The following TRIM24 variants were observed in gnomAD, a reference collection of about 807,000 sequenced individuals.
TRIM24 encodes transcription intermediary factor 1-alpha.
TRIM24 carries 29 observed loss-of-function variants against 123.9 expected under a neutral mutation model. The observed-to-expected ratio is 0.23, with a 90% CI of 0.17 to 0.32. TRIM24 has a LOEUF of 0.32. Ranked by LOEUF, TRIM24 falls within the 10% of genes least tolerant of loss-of-function variation. The probability of loss-of-function intolerance (pLI) is 1.00; values close to 1 mark genes in which losing one functional copy is unlikely to be tolerated. For synonymous variants in TRIM24, 456 were observed against 461.1 expected (o/e 0.99, Z 0.14); for missense variants, 932 against 1,295.3 (o/e 0.72, Z 4.31).
chr7:138,496,186 A>T (rs759162744), intron 1 of TRIM24, among the ~76,000 whole-genome samples: 5 of 152,186 alleles, frequency 3.3e-5, no homozygotes, highest in Non-Finnish European at 7.3e-5. Context: ...ATCAGTTTGG[A>T]GACATGGAAT....
intron 7 of TRIM24, among the ~76,000 whole-genome samples, chr7:138,545,245 G>A (rs6959574): frequency 0.8 from 122,058 of 151,976 alleles, 49,298 homozygotes; most frequent in African/African-American, 0.83. Context: ...TCTTCCTGGC[G>A]TGGAGGCACC....
rs536414896 is a variant in TRIM24, at chr7:138,551,622, A to T, written c.1261+442A>T. Among the ~76,000 whole-genome samples the T allele has an allele frequency of 3.3e-4, 51 of 152,282 alleles. No homozygotes were observed. The South Asian group carries it at 0.01, about 30-fold the overall frequency. ...AGCTGATAAGAAAACATTCTATAACATTGACTGACAGGGTGTCTAGACTTA... is the reference window on the plus strand; with the variant it reads ...AGCTGATAAGAAAACATTCTATAACTTTGACTGACAGGGTGTCTAGACTTA... On this transcript the variant is annotated intron_variant, in intron 8 of 18. Coordinates refer to ENST00000343526, the MANE Select transcript of TRIM24 (RefSeq NM_015905.3).
At chr7:138,580,502 G>A in intron 15 of TRIM24, 60 bp from the exon 16 acceptor site, 1 of 1,559,396 alleles carries the variant, frequency 6.4e-7, no homozygotes, top group Non-Finnish European at 8.7e-7. Context: ...GTGGGAAAGG[G>A]AAATAGTGAA....
At position 138,570,948 on chromosome 7, in the gene TRIM24, T is replaced by A; in HGVS notation, c.1823T>A (p.Met608Lys). The A allele has an allele frequency of 6.2e-7, 1 of 1,614,156 alleles. No individual in the cohort carries two copies. Among genetic ancestry groups the A allele is most frequent in the Non-Finnish European group, 8.5e-7 (1 of 1,180,002 alleles). ...GYDGKAFGSP[M>K]IDLSSPVGGS... ...GATGGAAAGGCTTTTGGTTCACCTA[T>A]GATCGATTTGAGCTCACCAGTGGGA... Residue 608 changes from methionine to lysine, a missense_variant, in exon 11 of 19, where the codon ATG becomes AAG. By Grantham distance (95) the Met-to-Lys change is moderately conservative (BLOSUM62 -1). Around this residue, in one of 7 missense-constraint regions of TRIM24, gnomAD observed 527 missense variants for 691.3 expected, o/e 0.76. Coordinates refer to ENST00000343526, the MANE Select transcript of TRIM24 (RefSeq NM_015905.3).
At chr7:138,497,205 G>A (rs989223330) in intron 1 of TRIM24, among the ~76,000 whole-genome samples, 11 of 151,734 alleles carry the variant, frequency 7.2e-5, no homozygotes, top group African/African-American at 2.2e-4. Context: ...ACTTTTCTTC[G>A]TGGGAAGGTT....
chr7:138,460,498 G>A lies in TRIM24; in HGVS notation c.-51G>A. On this transcript the variant is annotated 5_prime_UTR_variant, in exon 1 of 19. Transcript: ENST00000343526. ...GGAGGAGGAGGAGGTCGTCGGGGGC[G>A]GCGGGCGGAGACCGCGCTCTCGCTT... 3 of 1,257,204 alleles carry A rather than the reference G, an allele frequency of 2.4e-6. No homozygotes were observed. The highest frequency in any genetic ancestry group is 3.0e-6 in the Non-Finnish European group (3 of 1,005,206). The allele number at this position is 1,257,204 out of a possible 1,614,324, so 77.9% of individuals were successfully genotyped here. A position where few individuals can be genotyped will look rare whatever the true frequency, so the allele number is the denominator to read the frequency against.
chr7:138,560,196 T>C (rs1797397746), intron 9 of TRIM24, among the ~76,000 whole-genome samples: 1 of 152,238 alleles, frequency 6.6e-6, no homozygotes, highest in South Asian at 2.1e-4. Flanking sequence ...ATTCATGTGT[T>C]CCACTTTTCC....
intron 1 of TRIM24, among the ~76,000 whole-genome samples, chr7:138,477,773 G>T (rs1318751063): frequency 6.6e-6 from 1 of 152,330 alleles, no homozygotes; most frequent in Non-Finnish European, 1.5e-5. Flanking sequence ...GGATAATGAT[G>T]AAGGAAAGCT....
intron 1 of TRIM24, among the ~76,000 whole-genome samples, chr7:138,486,410 C>T (rs1047769514): frequency 1.3e-5 from 2 of 152,092 alleles, no homozygotes; most frequent in Non-Finnish European, 2.9e-5. Context: ...AAGTCCTTGC[C>T]CATGCCTATG....
At chr7:138,502,990 G>A (rs1320103565) in intron 1 of TRIM24, among the ~76,000 whole-genome samples, 2 of 151,646 alleles carry the variant, frequency 1.3e-5, no homozygotes, top group East Asian at 1.9e-4. Flanking sequence ...TTTTATAGTT[G>A]TTAATCTACT....
intron 9 of TRIM24, among the ~76,000 whole-genome samples, chr7:138,566,594 C>T (rs974435919): frequency 3.3e-5 from 5 of 152,076 alleles, no homozygotes; most frequent in South Asian, 2.1e-4. Flanking sequence ...GCTAAGCACC[C>T]GAACATGTTT....
Position 138,521,579 on chromosome 7 carries a change from G to A in TRIM24, c.764+2258G>A, listed in dbSNP as rs78302194. 3.3e-5 allele frequency among the ~76,000 whole-genome samples: 5 copies of A among 152,194 alleles called. No individual in the cohort carries two copies. The East Asian group carries it at 5.8e-4, about 18-fold the overall frequency. ...AACAGATGGAATATAATGAGACCTTGGTAAGTTGGTAGATCTACAAATATA... is the reference window on the plus strand; with the variant it reads ...AACAGATGGAATATAATGAGACCTTAGTAAGTTGGTAGATCTACAAATATA... On this transcript the variant is annotated intron_variant, in intron 4 of 18. Coordinates refer to ENST00000343526, the MANE Select transcript of TRIM24 (RefSeq NM_015905.3).
chr7:138,460,995 C>T, intron 1 of TRIM24, 83 bp downstream of exon 1: 1 of 1,248,174 alleles, frequency 8.0e-7, no homozygotes, highest in African/African-American at 1.6e-5. Context: ...GACCCGCTGT[C>T]ATGTCGCCGC....
Sources: gnomAD v4.1 joint callset for allele counts (sites outside exome capture counted in the v4.1 genomes callset) on GRCh38, gnomAD v4.1.1 for gene constraint, gnomAD v4.1.1 regional missense constraint, MANE v1.5 for transcripts, NCBI Gene and HGNC (gene_info 2026-07-23, HGNC 2026-07-21) for gene names.